Variants in RSPH14 observed in about 807,000 individuals in gnomAD.
RSPH14 encodes the protein rhabdoid tumor deletion region gene 1.
A neutral mutation model predicts 26.7 loss-of-function variants in RSPH14; 20 were observed. That is an observed-to-expected ratio of 0.75 (90% confidence interval 0.53 to 1.09). The LOEUF (loss-of-function observed/expected upper bound fraction) is 1.09. Ranked by LOEUF, RSPH14 falls within the 50% of genes least tolerant of loss-of-function variation. RSPH14 has a pLI of 0.00. For synonymous variants in RSPH14, 177 were observed against 189.3 expected (o/e 0.93, Z 0.53); for missense variants, 449 against 457.2 (o/e 0.98, Z 0.16).
chr22:23,116,711 C>G (rs1030748113), intron 4 of RSPH14, among the ~76,000 whole-genome samples: 2 of 152,192 alleles, frequency 1.3e-5, no homozygotes, highest in Admixed American at 1.3e-4. Flanking sequence ...CTCCCCACCC[C>G]CAGCCCAGGC....
chr22:23,109,626 G>A (rs1445112873), intron 4 of RSPH14, among the ~76,000 whole-genome samples: 1 of 152,180 alleles, frequency 6.6e-6, no homozygotes, highest in Non-Finnish European at 1.5e-5. Context: ...GCCAGGAGCT[G>A]AGGTGTTCAA....
intron 4 of RSPH14, among the ~76,000 whole-genome samples, chr22:23,118,369 A>G (rs1386238473): frequency 6.6e-6 from 1 of 152,232 alleles, no homozygotes; most frequent in African/African-American, 2.4e-5. Context: ...AGAAGGCGCC[A>G]TCTTGCTGGT....
At position 23,134,237 on chromosome 22, in the gene RSPH14, A is replaced by G. The variant is rs147084629; in HGVS notation, c.303-93T>C. 322 of 914,968 alleles carry G rather than the reference A, an allele frequency of 3.5e-4. 3 individuals are homozygous for G. In the East Asian group the frequency reaches 8.1e-3, roughly 23 times the overall value. 56.7% of individuals were successfully genotyped at this position (914,968 alleles called of 1,614,324 possible). On this transcript the variant is annotated intron_variant, in intron 3 of 6. Transcript: ENST00000216036. ...CAGGGTCCCTGCTGGAGTCTGATCC[A>G]TGCTATCTGGGGTAGACCACATTCC...
At chr22:23,173,015 T>G in the RSPH14 span, among the ~76,000 whole-genome samples, 1 of 56 alleles carries the variant, frequency 0.018, no homozygotes, top group Non-Finnish European at 0.031. Context: ...AATAGTGTCT[T>G]TTCATATGGT....
the RSPH14 span, chr22:23,152,344 G>A: frequency 3.8e-6 from 4 of 1,041,028 alleles, no homozygotes; most frequent in Non-Finnish European, 6.0e-6. Flanking sequence ...GGCCCATCCT[G>A]TGTCCAGGAG....
intron 4 of RSPH14, among the ~76,000 whole-genome samples, chr22:23,066,347 C>G (rs2068210755): frequency 6.6e-6 from 1 of 152,102 alleles, no homozygotes; most frequent in Non-Finnish European, 1.5e-5. Flanking sequence ...TCAAGGTGAT[C>G]ACCTCCATTA....
upstream of RSPH14, among the ~76,000 whole-genome samples, chr22:23,148,309 T>C (rs1328560722): frequency 6.6e-6 from 1 of 152,172 alleles, no homozygotes. Flanking sequence ...CAGTGGTAAC[T>C]AGGGATGACA....
At chr22:23,134,303 T>G (rs750976373) in intron 3 of RSPH14, among the ~76,000 whole-genome samples, 159 bp from the exon 4 acceptor site, 60 of 152,052 alleles carry the variant, frequency 3.9e-4, no homozygotes, top group Non-Finnish European at 7.6e-4. Context: ...AGGTGCGTGA[T>G]CCATCTCACC....
chr22:23,173,296 A>G, the RSPH14 span, among the ~76,000 whole-genome samples: 1 of 151,944 alleles, frequency 6.6e-6, no homozygotes, highest in Non-Finnish European at 1.5e-5. Context: ...CACCATGCCC[A>G]GCTAATTTTT....
At chr22:23,179,337 C>G in the RSPH14 span, among the ~76,000 whole-genome samples, 1 of 152,190 alleles carries the variant, frequency 6.6e-6, no homozygotes, top group East Asian at 1.9e-4. Context: ...TCCTTTTCCC[C>G]CAACCCAGCG....
At chr22:23,069,081 C>T (rs1398369606) in intron 4 of RSPH14, among the ~76,000 whole-genome samples, 2 of 152,224 alleles carry the variant, frequency 1.3e-5, no homozygotes, top group East Asian at 3.8e-4. Flanking sequence ...CAATGGTCTC[C>T]ATCTCACAGA....
chr22:23,112,339 T>G, intron 4 of RSPH14, among the ~76,000 whole-genome samples: 1 of 152,188 alleles, frequency 6.6e-6, no homozygotes, highest in African/African-American at 2.4e-5. Flanking sequence ...TAGGGCCCAG[T>G]GCTCACCAGG....
intron 4 of RSPH14, among the ~76,000 whole-genome samples, chr22:23,100,247 C>T (rs1243176739): frequency 6.6e-6 from 1 of 152,266 alleles, no homozygotes; most frequent in African/African-American, 2.4e-5. Context: ...AAAGCCTCTG[C>T]TACCAGGGAT....
chr22:23,150,203 A>C, the RSPH14 span: 1 of 1,402,852 alleles, frequency 7.1e-7, no homozygotes, highest in Non-Finnish European at 1.0e-6. Context: ...AGAAGGAATG[A>C]GTGCATGAAG....
At chr22:23,137,661 T>C (rs893226127) in intron 3 of RSPH14, 1 of 558,664 alleles carries the variant, frequency 1.8e-6, no homozygotes, top group African/African-American at 1.9e-5. Context: ...AGTCAGCACC[T>C]TGCCTTTCTT....
chr22:23,150,868 C>T, the RSPH14 span, among the ~76,000 whole-genome samples: 1 of 152,172 alleles, frequency 6.6e-6, no homozygotes, highest in Non-Finnish European at 1.5e-5. Context: ...TGCTCTTGTG[C>T]CCCCAAGAAC....
At chr22:23,123,061 T>A in intron 4 of RSPH14, 1 of 1,516,444 alleles carries the variant, frequency 6.6e-7, no homozygotes, top group Non-Finnish European at 9.2e-7. Flanking sequence ...CGGGCCTGAT[T>A]AACGCCAGTA....
the RSPH14 span, chr22:23,158,143 G>C: frequency 6.4e-7 from 1 of 1,553,194 alleles, no homozygotes. Context: ...CCCGTGGTGG[G>C]TGTGAGTGAC....
the RSPH14 span, among the ~76,000 whole-genome samples, chr22:23,155,760 T>G: frequency 6.6e-6 from 1 of 152,208 alleles, no homozygotes; most frequent in African/African-American, 2.4e-5. Flanking sequence ...CCACTAGGAA[T>G]GAGAGAAGTC....
Sources: gnomAD v4.1 joint callset for allele counts (sites outside exome capture counted in the v4.1 genomes callset) on GRCh38, gnomAD v4.1.1 for gene constraint, MANE v1.5 for transcripts, NCBI Gene and HGNC (gene_info 2026-07-23, HGNC 2026-07-21) for gene names.